Variants in ALDH1L2 observed in about 807,000 individuals in gnomAD.
ALDH1L2 encodes mitochondrial 10-formyltetrahydrofolate dehydrogenase.
In ALDH1L2, 91 loss-of-function variants were observed where a neutral mutation model predicts 111.0. The ratio of observed to expected loss-of-function variants is 0.82; its 90% CI spans 0.69 to 0.98. The LOEUF is 0.98. Ranked by LOEUF, ALDH1L2 falls within the 50% of genes least tolerant of loss-of-function variation. The pLI, the probability that ALDH1L2 is intolerant of heterozygous loss-of-function variation, is 0.00. For missense variants in ALDH1L2, 995 were observed against 1,126.8 expected (o/e 0.88, Z 1.67); for synonymous variants, 374 against 392.6 (o/e 0.95, Z 0.56).
chr12:105,026,649 CT>C lies in ALDH1L2; in HGVS notation c.2611del (p.Ser871ValfsTer35). On this transcript the variant is annotated frameshift_variant, in exon 22 of 23. Transcript: ENST00000258494. LOFTEE classifies it high-confidence loss of function. Reference protein sequence around the residue: ...TRDINKAMYVSEKLEAGTVFI... With the variant: ...TRDINKAMYVXEKLEAGTVFI... ...AACAGTTCCTGCTTCCAGTTTTTCA[CT>C]CACATACATAGCTTTGTTTATGTCT... The C allele has an allele frequency of 6.2e-7, 1 of 1,614,208 alleles. No homozygotes were observed. The highest frequency in any genetic ancestry group is 1.7e-5 in the Admixed American group (1 of 60,030).
chr12:105,029,173 ACATGCCAC>A (rs1165023141), intron 21 of ALDH1L2, among the ~76,000 whole-genome samples: 1 of 152,048 alleles, frequency 6.6e-6, no homozygotes, highest in Non-Finnish European at 1.5e-5. Context: ...GACTACAGGC[ACATGCCAC>A]CATGCCCAGC....
In ALDH1L2 at chr12:105,073,872, G is replaced by C; in HGVS notation, c.182C>G (p.Ala61Gly). The C allele has an allele frequency of 6.2e-7, 1 of 1,614,088 alleles. No individual in the cohort carries two copies. The highest frequency in any genetic ancestry group is 8.5e-7 in the Non-Finnish European group (1 of 1,180,022). Reference sequence around the variant, plus strand: ...CAAGATGCACTCACCCAGAGGGTCAGCTTTTCCATCCTTGTCTGGAACTGT... The same window carrying C: ...CAAGATGCACTCACCCAGAGGGTCACCTTTTCCATCCTTGTCTGGAACTGT... ...VFTVPDKDGK[A>G]DPLALAAEKD... The change falls in exon 2 of 23, where the codon GCT becomes GGT. Residue 61 changes from alanine to glycine, a missense_variant. Transcript: ENST00000258494.
In ALDH1L2 at chr12:105,044,459, G is replaced by A. The variant is rs180877918; in HGVS notation, c.1863+2251C>T. On this transcript the variant is annotated intron_variant, in intron 15 of 22. Transcript: ENST00000258494. ...TCTCTGCCAGTGGGGCCCAATATCA[G>A]CATTTTAAAAGGAGAACTTTAGGTG... 1.4e-3 allele frequency among the ~76,000 whole-genome samples: 216 copies of A among 151,638 alleles called. 2 individuals carry two copies. The highest frequency in any genetic ancestry group is 3.4e-3 in the Middle Eastern group (1 of 294).
At chr12:105,080,790 T>C (rs1208437003) in intron 1 of ALDH1L2, among the ~76,000 whole-genome samples, 1 of 152,214 alleles carries the variant, frequency 6.6e-6, no homozygotes, top group African/African-American at 2.4e-5. Context: ...AATGTTCAGA[T>C]TTTAAAGCAT....
At chr12:105,034,119 A>G (rs753363017) in intron 19 of ALDH1L2, among the ~76,000 whole-genome samples, 181 bp downstream of exon 19, 3 of 152,200 alleles carry the variant, frequency 2.0e-5, no homozygotes, top group Non-Finnish European at 4.4e-5. Context: ...CAGACATCAT[A>G]TAATTTAATC....
chr12:105,083,102 G>A (rs192206147), intron 1 of ALDH1L2, among the ~76,000 whole-genome samples: 18 of 152,260 alleles, frequency 1.2e-4, no homozygotes, highest in Admixed American at 3.9e-4. Context: ...TATGCAAACC[G>A]CACTATCAAA....
chr12:105,046,222 T>TATA (rs1565957152), intron 15 of ALDH1L2, among the ~76,000 whole-genome samples: 16 of 26,738 alleles, frequency 6.0e-4, no homozygotes, highest in East Asian at 3.9e-3. Flanking sequence ...TATATATATA[T>TATA]TTTTTTTTTT....
At chr12:105,039,869 G>T in intron 16 of ALDH1L2, 63 bp from the exon 17 acceptor site, 1 of 1,448,668 alleles carries the variant, frequency 6.9e-7, no homozygotes, top group Non-Finnish European at 9.6e-7. Context: ...GGTGGCTTAC[G>T]CCTGTAATCC....
rs1874118078 is a variant in ALDH1L2, at chr12:105,020,723, A to G, written c.*3701T>C. On this transcript the variant is annotated 3_prime_UTR_variant, in exon 23 of 23. Transcript: ENST00000258494. ...GGGAATGTGTCTCTCATCAGATGAT[A>G]TTTGAGGAGAGACCTGCAGGAAGTG... is the stretch of plus-strand genomic sequence containing the variant. 1 of 152,218 alleles carries G rather than the reference A, an allele frequency of 6.6e-6. No individual in the cohort carries two copies. Among genetic ancestry groups the G allele is most frequent in the Non-Finnish European group, 1.5e-5 (1 of 68,054 alleles). 9.4% of individuals were successfully genotyped at this position (152,218 alleles called of 1,614,324 possible).
intron 12 of ALDH1L2, among the ~76,000 whole-genome samples, chr12:105,051,774 T>G (rs1225738919): frequency 7.5e-6 from 1 of 134,206 alleles, no homozygotes; most frequent in Admixed American, 8.6e-5. Flanking sequence ...CTCACTTTGT[T>G]TTGCTTCTTT....
chr12:105,036,515 TA>T (rs1875131262), intron 18 of ALDH1L2, among the ~76,000 whole-genome samples: 18 of 3,234 alleles, frequency 5.6e-3, no homozygotes, highest in African/African-American at 0.025. Flanking sequence ...ATATATATTT[TA>T]TATATATATA....
intron 1 of ALDH1L2, among the ~76,000 whole-genome samples, chr12:105,076,402 A>G (rs972206080): frequency 2.6e-5 from 4 of 152,188 alleles, no homozygotes; most frequent in African/African-American, 9.7e-5. Context: ...ATCTCATTTG[A>G]TTGCACAATG....
intron 1 of ALDH1L2, among the ~76,000 whole-genome samples, chr12:105,075,780 T>G (rs1465783238): frequency 6.6e-6 from 1 of 152,116 alleles, no homozygotes; most frequent in Non-Finnish European, 1.5e-5. Flanking sequence ...ACTGATATAT[T>G]TTACTTTATT....
At chr12:105,051,423 C>T (rs552486106) in intron 12 of ALDH1L2, among the ~76,000 whole-genome samples, 56 of 152,290 alleles carry the variant, frequency 3.7e-4, no homozygotes, top group African/African-American at 1.2e-3. Flanking sequence ...GTGGTTTTCT[C>T]GTATAGCTAC....
At chr12:105,082,880 A>T (rs1878395510) in intron 1 of ALDH1L2, among the ~76,000 whole-genome samples, 1 of 150,204 alleles carries the variant, frequency 6.7e-6, no homozygotes, top group African/African-American at 2.5e-5. Flanking sequence ...CATTTTCTAC[A>T]GGATAAAACA....
chr12:105,075,487 A>G (rs1368549737), intron 1 of ALDH1L2, among the ~76,000 whole-genome samples: 3 of 152,176 alleles, frequency 2.0e-5, no homozygotes, highest in Non-Finnish European at 4.4e-5. Context: ...CGGGAGGCTG[A>G]GGTAGGAAAA....
At chr12:105,080,708 C>T (rs1878296670) in intron 1 of ALDH1L2, among the ~76,000 whole-genome samples, 1 of 152,174 alleles carries the variant, frequency 6.6e-6, no homozygotes, top group Admixed American at 6.5e-5. Flanking sequence ...ATTGGAGCAT[C>T]CCAAATCTGA....
At chr12:105,036,537 TA>T (rs371829535) in intron 18 of ALDH1L2, among the ~76,000 whole-genome samples, 1 of 36,918 alleles carries the variant, frequency 2.7e-5, no homozygotes, top group Non-Finnish European at 4.3e-5. Flanking sequence ...TATATATATA[TA>T]TATATATATA....
In ALDH1L2 at chr12:105,061,088, ACT is replaced by A; in HGVS notation, c.1048-18_1048-17del. 1.2e-6 allele frequency: 2 copies of A among 1,606,542 alleles called. No individual in the cohort carries two copies. Among genetic ancestry groups the A allele is most frequent in the Non-Finnish European group, 1.7e-6 (2 of 1,173,386 alleles). On this transcript the variant is annotated splice_polypyrimidine_tract_variant and intron_variant, in intron 8 of 22. Transcript: ENST00000258494. Reference sequence around the variant, plus strand: ...CCCAGATGACCTACACAAAAAGGAAACTCTTATGAGGGAAGTGCCACGTAGAA... The same window carrying A: ...CCCAGATGACCTACACAAAAAGGAAACTTATGAGGGAAGTGCCACGTAGAA...
Sources: gnomAD v4.1 joint callset for allele counts (sites outside exome capture counted in the v4.1 genomes callset) on GRCh38, gnomAD v4.1.1 for gene constraint, MANE v1.5 for transcripts, NCBI Gene and HGNC (gene_info 2026-07-23, HGNC 2026-07-21) for gene names.